Variants in BRDT observed in about 807,000 individuals in gnomAD.
BRDT encodes the protein bromodomain testis associated, also known as bromodomain testis-specific protein.
Under a neutral mutation model 113.9 loss-of-function variants are expected in BRDT, and 77 were observed. The ratio of observed to expected loss-of-function variants is 0.68; its 90% CI spans 0.56 to 0.82. The LOEUF (loss-of-function observed/expected upper bound fraction) is 0.82. Among genes scored for constraint, BRDT ranks in the 40% least tolerant of loss-of-function variants. BRDT has a pLI of 0.00. For missense variants in BRDT, 1,027 were observed against 1,105.4 expected (o/e 0.93, Z 1.01); for synonymous variants, 358 against 366.5 (o/e 0.98, Z 0.26).
chr1:92,010,385 A>G (rs2101835708), intron 18 of BRDT, among the ~76,000 whole-genome samples: 1 of 144,048 alleles, frequency 6.9e-6, no homozygotes, highest in African/African-American at 2.6e-5. Flanking sequence ...AGTGATTCTC[A>G]TGGTGCAGCC....
chr1:91,971,842 C>T (rs562594460), intron 4 of BRDT, among the ~76,000 whole-genome samples: 29 of 152,268 alleles, frequency 1.9e-4, no homozygotes, highest in South Asian at 1.4e-3. Context: ...CATTTGTGAA[C>T]GGATCTTGCC....
At chr1:91,973,057 A>G (rs534172311) in intron 4 of BRDT, among the ~76,000 whole-genome samples, 17 of 152,334 alleles carry the variant, frequency 1.1e-4, no homozygotes, top group African/African-American at 4.1e-4. Context: ...ATATGAGTAA[A>G]TGCCTGAAGG....
intron 3 of BRDT, 110 bp downstream of exon 3, chr1:91,964,874 TTGACG>T (rs1682888483): frequency 2.7e-6 from 2 of 752,238 alleles, no homozygotes; most frequent in Admixed American, 6.5e-5. Flanking sequence ...TTTGAGATAC[TTGACG>T]TGTGTGTGTG....
intron 2 of BRDT, 88 bp from the exon 3 acceptor site, chr1:91,964,539 A>C: frequency 1.3e-6 from 1 of 785,910 alleles, no homozygotes; most frequent in Non-Finnish European, 1.8e-6. Context: ...CTCTAGTTGC[A>C]GGTGTATAGT....
At chr1:91,966,702 A>G (rs966822339) in intron 3 of BRDT, among the ~76,000 whole-genome samples, 6 of 152,230 alleles carry the variant, frequency 3.9e-5, no homozygotes, top group Admixed American at 3.9e-4. Flanking sequence ...GTTGCTTTGT[A>G]AATTACTTAC....
At chr1:92,009,568 T>G (rs1687620770) in intron 18 of BRDT, among the ~76,000 whole-genome samples, 1 of 145,608 alleles carries the variant, frequency 6.9e-6, no homozygotes, top group Non-Finnish European at 1.5e-5. Flanking sequence ...TTTTTTTCTC[T>G]TGACACAGTC....
chr1:91,959,419 C>CTTTTTTT (rs11346071), intron 1 of BRDT, among the ~76,000 whole-genome samples: 1 of 112,792 alleles, frequency 8.9e-6, no homozygotes. Context: ...CTTTTTCTTT[C>CTTTTTTT]TTTTTTTTTT....
intron 18 of BRDT, among the ~76,000 whole-genome samples, chr1:92,009,703 C>T (rs1687636160): frequency 6.6e-6 from 1 of 151,522 alleles, no homozygotes; most frequent in Non-Finnish European, 1.5e-5. Context: ...CATGCACCAC[C>T]ACACCCAGCT....
chr1:92,012,198 T>C (rs572633036), intron 18 of BRDT, among the ~76,000 whole-genome samples: 1 of 151,486 alleles, frequency 6.6e-6, no homozygotes, highest in East Asian at 2.0e-4. Flanking sequence ...CTTAGGAGGC[T>C]GAGGCAGAAG....
rs1035697556 is a variant in BRDT, at chr1:91,962,702, A to G, written c.-37-16A>G. 4 of 1,423,032 alleles carry G rather than the reference A, an allele frequency of 2.8e-6. No homozygotes were observed. The highest frequency in any genetic ancestry group is 1.5e-5 in the South Asian group (1 of 64,980). 88.2% of individuals were successfully genotyped at this position (1,423,032 alleles called of 1,614,324 possible). On this transcript the variant is annotated splice_polypyrimidine_tract_variant and intron_variant, in intron 1 of 18. Transcript: ENST00000399546. The stretch of plus-strand genomic sequence containing the variant: ...TTCCTAAAGTGCTTCTGAAGTACTC[A>G]GTTTTTGTTTTTCAGGACATGTACT...
At chr1:91,958,706 G>A (rs1314536272) in intron 1 of BRDT, among the ~76,000 whole-genome samples, 2 of 152,042 alleles carry the variant, frequency 1.3e-5, no homozygotes, top group Non-Finnish European at 2.9e-5. Context: ...TCAAGGCTGG[G>A]GGAATGTCTG....
At chr1:92,000,730 G>A (rs1686758887) in intron 15 of BRDT, among the ~76,000 whole-genome samples, 1 of 152,188 alleles carries the variant, frequency 6.6e-6, no homozygotes, top group African/African-American at 2.4e-5. Flanking sequence ...ACTATGACTA[G>A]AGAGAATTGA....
intron 1 of BRDT, among the ~76,000 whole-genome samples, chr1:91,952,631 G>A (rs1681222342): frequency 6.6e-6 from 1 of 152,098 alleles, no homozygotes; most frequent in South Asian, 2.1e-4. Flanking sequence ...AGATGGACCA[G>A]GCCATCTGTT....
At position 91,980,952 on chromosome 1, in the gene BRDT, A is replaced by C. The variant is rs1250683096; in HGVS notation, c.1524A>C (p.Lys508Asn). 4.3e-6 allele frequency: 7 copies of C among 1,613,868 alleles called. No individual in the cohort carries two copies. Among genetic ancestry groups the C allele is most frequent in the Non-Finnish European group, 5.1e-6 (6 of 1,179,980 alleles). ...GLKSEDEDNA[K>N]PMNYDEKRQL... is the part of the protein sequence containing the mutation. The stretch of plus-strand genomic sequence containing the variant: ...AATCTGAAGATGAAGATAATGCTAA[A>C]CCTATGAACTATGATGAGAAAAGGC... Residue 508 changes from lysine (K) to asparagine (N), a missense_variant, in exon 10 of 19, where the codon AAA (lysine) becomes AAC (asparagine). Physicochemically the swap from Lys to Asn is moderately conservative, Grantham distance 94 (BLOSUM62 0). Coordinates refer to ENST00000399546, the MANE Select transcript of BRDT (RefSeq NM_207189.4).
rs201100640 is a variant in BRDT at position 91,994,142 on chromosome 1, A to G, written c.2175A>G (p.Thr725=). Residue 725 remains threonine (T), a synonymous_variant, in exon 15 of 19, where the codon ACA becomes ACG. Coordinates refer to ENST00000399546, the MANE Select transcript of BRDT (RefSeq NM_207189.4). ...ATACTACCCTTGTTCATCAGACCAC[A>G]CCTTCACATGTAATGCCACCAAATC... ...SANTTLVHQT[T]PSHVMPPNHH... 57 of 1,613,792 alleles carry G rather than the reference A, an allele frequency of 3.5e-5. No homozygotes were observed. In the African/African-American group the frequency reaches 7.5e-4, roughly 21 times the overall value.
chr1:92,006,543 T>G (rs908600114), intron 18 of BRDT, among the ~76,000 whole-genome samples: 2 of 151,768 alleles, frequency 1.3e-5, no homozygotes, highest in Non-Finnish European at 2.9e-5. Context: ...CTCGGCTCAC[T>G]GCAACCTCCA....
At chr1:91,970,910 CA>C (rs56365341) in intron 4 of BRDT, among the ~76,000 whole-genome samples, 27,930 of 113,720 alleles carry the variant, frequency 0.25, 2,607 homozygotes, top group East Asian at 0.37. Flanking sequence ...GACCCTTTCT[CA>C]AAAAAAAAAA....
rs770701956 is a variant in BRDT at position 91,977,237 on chromosome 1, A to G, written c.813A>G (p.Glu271=). 1.9e-6 allele frequency: 3 copies of G among 1,613,936 alleles called. No individual in the cohort carries two copies. The highest frequency in any genetic ancestry group is 1.7e-5 in the Admixed American group (1 of 60,000). Residue 271 remains glutamate (E), a synonymous_variant, in exon 6 of 19, where the codon GAA becomes GAG. Coordinates refer to ENST00000399546, the MANE Select transcript of BRDT (RefSeq NM_207189.4). ...YNVVKTVKVT[E]QLRHCSEILK... ...TTGTGAAGACTGTTAAAGTAACTGA[A>G]CAATTAAGGCACTGTAGTGAGATTC...
intron 6 of BRDT, 95 bp from the exon 7 acceptor site, chr1:91,978,072 AT>A (rs1684324656): frequency 3.4e-6 from 4 of 1,178,428 alleles, no homozygotes; most frequent in Non-Finnish European, 3.5e-6. Flanking sequence ...TTTTCTGTAT[AT>A]TTGAATTATT....
Sources: gnomAD v4.1 joint callset for allele counts (sites outside exome capture counted in the v4.1 genomes callset) on GRCh38, gnomAD v4.1.1 for gene constraint, MANE v1.5 for transcripts, NCBI Gene and HGNC (gene_info 2026-07-23, HGNC 2026-07-21) for gene names.